SH3BP1: variants seen among roughly 807,000 people sequenced by gnomAD.
SH3BP1 encodes the protein SH3 domain binding protein 1.
In SH3BP1, 46 loss-of-function variants were observed where a neutral mutation model predicts 69.8. The observed-to-expected ratio is 0.66, with a 90% CI of 0.52 to 0.84. The LOEUF (loss-of-function observed/expected upper bound fraction) is 0.84, where lower values mean the gene tolerates loss of function less well. Ranked by LOEUF, SH3BP1 falls within the 40% of genes least tolerant of loss-of-function variation. The pLI is 0.00. For missense variants in SH3BP1, 868 were observed against 930.9 expected, an observed-to-expected ratio of 0.93 and a Z score of 0.88; for synonymous variants, 403 against 378.0, an observed-to-expected ratio of 1.07 and a Z score of -0.77.
At chr22:37,642,700 C>T (rs1308883805) in intron 4 of SH3BP1, 85 bp downstream of exon 4, 3 of 1,609,596 alleles carry the variant, frequency 1.9e-6, no homozygotes, top group Non-Finnish European at 2.5e-6. Context: ...TGAGGGCATC[C>T]ACATCAGAAG....
At chr22:37,654,679 G>T (rs56888944) in intron 17 of SH3BP1, among the ~76,000 whole-genome samples, 2,857 of 152,292 alleles carry the variant, frequency 0.019, 89 homozygotes, top group African/African-American at 0.064. Context: ...TCACCTGTCA[G>T]TTTGGCCCAG....
At chr22:37,650,296 G>T in intron 15 of SH3BP1, 47 bp downstream of exon 15, 1 of 1,553,226 alleles carries the variant, frequency 6.4e-7, no homozygotes. Context: ...CCCTCCTTCT[G>T]CCCTGCTCCC....
Position 37,643,081 on chromosome 22 carries a change from C to G in SH3BP1, c.397-17C>G. 1.2e-6 allele frequency: 2 copies of G among 1,610,612 alleles called. No individual in the cohort carries two copies. Among genetic ancestry groups the G allele is most frequent in the Non-Finnish European group, 1.7e-6 (2 of 1,178,576 alleles). ...CCTCCTCCCCCAGCACACTGACCCC[C>G]CCATGCCCATCCCCAGGAGGAGCTG... On this transcript the variant is annotated splice_polypyrimidine_tract_variant and intron_variant, in intron 5 of 17. Coordinates refer to ENST00000649765, the MANE Select transcript of SH3BP1 (RefSeq NM_018957.6).
At chr22:37,645,262 C>A in intron 9 of SH3BP1, 103 bp from the exon 10 acceptor site, 1 of 1,368,916 alleles carries the variant, frequency 7.3e-7, no homozygotes, top group Non-Finnish European at 1.0e-6. Flanking sequence ...CCTGGACAGT[C>A]AGTGGCAGGT....
At position 37,650,629 on chromosome 22, in the gene SH3BP1, C is replaced by T; in HGVS notation, c.1502C>T (p.Ser501Phe). The T allele has an allele frequency of 6.2e-7, 1 of 1,614,020 alleles. No individual in the cohort carries two copies. The highest frequency in any genetic ancestry group is 1.1e-5 in the South Asian group (1 of 91,084). Residue 501 changes from serine (S) to phenylalanine (F), a missense_variant, in exon 16 of 18, where the codon TCC becomes TTC. Transcript: ENST00000649765. The stretch of plus-strand genomic sequence containing the variant: ...AGGCTGGCCTCTGAGGAACTTCCGT[C>T]CACTGCCGTGCCCACCCCAGCCACC... ...SDRLASEELP[S>F]TAVPTPATTP...
chr22:37,647,471 C>T lies in SH3BP1; in HGVS notation c.1149C>T (p.Ala383=). 6.2e-7 allele frequency: 1 copy of T among 1,610,472 alleles called. No homozygotes were observed. The highest frequency in any genetic ancestry group is 8.5e-7 in the Non-Finnish European group (1 of 1,179,614). Residue 383 remains alanine (A), a synonymous_variant, in exon 13 of 18, where the codon GCC becomes GCT. Coordinates refer to ENST00000649765, the MANE Select transcript of SH3BP1 (RefSeq NM_018957.6). ...AGGAGCCAGGGGCCCGGCTGCAGGCCCTCCAAGAGGTGTGCAGCCGCCTAC... is the reference window on the plus strand; with the variant it reads ...AGGAGCCAGGGGCCCGGCTGCAGGCTCTCCAAGAGGTGTGCAGCCGCCTAC... The part of the protein sequence containing the change: ...SLKEPGARLQ[A]LQEVCSRLPP...
At position 37,642,992 on chromosome 22, in the gene SH3BP1, A is replaced by C. The variant is rs1317961131; in HGVS notation, c.382A>C (p.Ser128Arg). The change falls in exon 5 of 18, where the codon AGC becomes CGC. Residue 128 changes from serine to arginine, a missense_variant. Coordinates refer to ENST00000649765, the MANE Select transcript of SH3BP1 (RefSeq NM_018957.6). ...TLERDVLQPL[S>R]RLSEEELPAI... ...GGAGAGGGACGTCCTGCAGCCACTC[A>C]GCAGGCTGAGTGAGGTGAGCCTGTG... The C allele has an allele frequency of 8.1e-6, 13 of 1,612,966 alleles. No homozygotes were observed. Among genetic ancestry groups the C allele is most frequent in the Non-Finnish European group, 1.1e-5 (13 of 1,179,816 alleles).
chr22:37,653,895 A>G (rs1441121398), intron 17 of SH3BP1, 22 bp downstream of exon 17: 4 of 624,134 alleles, frequency 6.4e-6, no homozygotes, highest in Non-Finnish European at 1.1e-5. Context: ...GTGGGAGGGG[A>G]GGAGGGGACA....
rs1275204518 is a variant in SH3BP1 at position 37,648,409 on chromosome 22, C to T, written c.1290C>T (p.Asn430=). Residue 430 remains asparagine, a synonymous_variant, in exon 14 of 18, where the codon AAC becomes AAT. Transcript: ENST00000649765. Reference sequence around the variant, plus strand: ...ACATCGCCATAGTCCTGGGACCCAACTTGCTGTGGCCACCTGAGAAAGAAG... The same window carrying T: ...ACATCGCCATAGTCCTGGGACCCAATTTGCTGTGGCCACCTGAGAAAGAAG... The part of the protein sequence containing the change: ...PSNIAIVLGP[N]LLWPPEKEGD... 5 of 1,567,204 alleles carry T rather than the reference C, an allele frequency of 3.2e-6. No homozygotes were observed. In the African/African-American group the frequency reaches 5.4e-5, roughly 17 times the overall value.
Position 37,639,822 on chromosome 22 carries a change from T to C in SH3BP1, c.35T>C (p.Leu12Pro). 6.4e-7 allele frequency: 1 copy of C among 1,565,510 alleles called. No individual in the cohort carries two copies. The highest frequency in any genetic ancestry group is 8.6e-7 in the Non-Finnish European group (1 of 1,157,554). The stretch of plus-strand genomic sequence containing the variant: ...AGGCAGCTGCACCGCATGCGGCAGC[T>C]GGCCCAGACGGGCAGCTTGGGACGG... ...MKRQLHRMRQ[L>P]AQTGSLGRTP... Residue 12 changes from leucine to proline, a missense_variant, in exon 1 of 18, where the codon CTG becomes CCG. By Grantham distance (98) the Leu-to-Pro change is moderately conservative. This residue lies in a region of SH3BP1 where 387 missense variants were observed against 447.9 expected (regional missense o/e 0.86). Transcript: ENST00000649765.
At chr22:37,642,225 C>T (rs1932622859) in intron 3 of SH3BP1, 1 of 397,692 alleles carries the variant, frequency 2.5e-6, no homozygotes, top group Non-Finnish European at 4.8e-6. Context: ...TCTCCCTCCA[C>T]CTGTGTGACC....
intron 14 of SH3BP1, among the ~76,000 whole-genome samples, chr22:37,649,058 C>G (rs1376915437): frequency 6.6e-6 from 1 of 152,152 alleles, no homozygotes; most frequent in African/African-American, 2.4e-5. Context: ...ACCCCTCCAC[C>G]TTCCAGAGAT....
intron 16 of SH3BP1, among the ~76,000 whole-genome samples, chr22:37,651,480 C>A (rs1932878097): frequency 6.6e-6 from 1 of 151,686 alleles, no homozygotes; most frequent in Admixed American, 6.6e-5. Flanking sequence ...CAGGCGTGCA[C>A]CACCATAGCC....
At position 37,644,966 on chromosome 22, in the gene SH3BP1, G is replaced by T. The variant is rs1295677388; in HGVS notation, c.778+6G>T. The T allele has an allele frequency of 6.2e-7, 1 of 1,613,184 alleles. No homozygotes were observed. Among genetic ancestry groups the T allele is most frequent in the Non-Finnish European group, 8.5e-7 (1 of 1,179,718 alleles). On this transcript the variant is annotated splice_donor_region_variant and intron_variant, in intron 9 of 17. Transcript: ENST00000649765. ...GGAGAACCACGGCCAAGCAGGTGGG[G>T]ACATAGGCCCGGCGATACCACACCC...
intron 3 of SH3BP1, 21 bp downstream of exon 3, chr22:37,641,499 A>T (rs564848462): frequency 6.5e-7 from 1 of 1,536,822 alleles, no homozygotes; most frequent in East Asian, 2.4e-5. Context: ...GGTCCCGGGA[A>T]GGAGGGGCCT....
In SH3BP1 at chr22:37,641,374, G is replaced by C; in HGVS notation, c.103G>C (p.Val35Leu). Residue 35 changes from valine to leucine, a missense_variant and splice_region_variant, in exon 3 of 18, where the codon GTA becomes CTA. Physicochemically the swap from Val to Leu is conservative, Grantham distance 32. Around this residue, in one of 3 missense-constraint regions of SH3BP1, gnomAD observed 387 missense variants for 447.9 expected, o/e 0.86. Coordinates refer to ENST00000649765, the MANE Select transcript of SH3BP1 (RefSeq NM_018957.6). The stretch of plus-strand genomic sequence containing the variant: ...CTTAACCTCCATACCTCCTTCCCAG[G>C]TAGAACAGCGGCTGGAGCCGGCCAA... ...AEFLGEDLLQ[V>L]EQRLEPAKRA... 1.3e-6 allele frequency: 2 copies of C among 1,551,236 alleles called. No individual in the cohort carries two copies. Among genetic ancestry groups the C allele is most frequent in the Non-Finnish European group, 1.7e-6 (2 of 1,146,978 alleles).
Position 37,643,672 on chromosome 22 carries a change from A to T in SH3BP1, c.502A>T (p.Ser168Cys). ...RLSQATKNSG[S>C]SQGLGGSPGS... ...CAGTCAGGCAACCAAGAATTCAGGC[A>T]GCAGTCAAGGCCTAGGAGGCAGCCC... The change falls in exon 7 of 18, where the codon AGC (serine) becomes TGC (cysteine). Residue 168 changes from serine (S) to cysteine (C), a missense_variant. Around this residue, in one of 3 missense-constraint regions of SH3BP1, gnomAD observed 387 missense variants for 447.9 expected, o/e 0.86. Coordinates refer to ENST00000649765, the MANE Select transcript of SH3BP1 (RefSeq NM_018957.6). 6.2e-7 allele frequency: 1 copy of T among 1,614,214 alleles called. No homozygotes were observed. Among genetic ancestry groups the T allele is most frequent in the East Asian group, 2.2e-5 (1 of 44,888 alleles).
intron 7 of SH3BP1, 104 bp downstream of exon 7, chr22:37,643,892 C>A: frequency 7.2e-7 from 1 of 1,397,296 alleles, no homozygotes; most frequent in Non-Finnish European, 9.9e-7. Flanking sequence ...ACATGACTTG[C>A]CTAAGGCCAC....
intron 17 of SH3BP1, among the ~76,000 whole-genome samples, chr22:37,654,999 C>A (rs9619697): frequency 1.2e-4 from 17 of 143,150 alleles, no homozygotes; most frequent in African/African-American, 4.4e-4. Context: ...TTTCAGAGAA[C>A]AAAAAGTCCT....
Sources: gnomAD v4.1 joint callset for allele counts (sites outside exome capture counted in the v4.1 genomes callset) on GRCh38, gnomAD v4.1.1 for gene constraint, gnomAD v4.1.1 regional missense constraint, MANE v1.5 for transcripts, NCBI Gene and HGNC (gene_info 2026-07-23, HGNC 2026-07-21) for gene names.